The following PMFBP1 variants were observed in gnomAD, a reference collection of about 807,000 sequenced individuals.
PMFBP1 encodes polyamine-modulated factor 1-binding protein 1.
A neutral mutation model predicts 137.8 loss-of-function variants in PMFBP1; 131 were observed. The observed-to-expected ratio is 0.95, with a 90% CI of 0.82 to 1.10. The LOEUF (loss-of-function observed/expected upper bound fraction) is 1.10. Ranked by LOEUF, PMFBP1 falls within the 50% of genes least tolerant of loss-of-function variation. The probability of loss-of-function intolerance (pLI) is 0.00; values close to 1 mark genes in which losing one functional copy is unlikely to be tolerated. For missense variants in PMFBP1, 1,199 were observed against 1,175.4 expected (o/e 1.02, Z -0.29); for synonymous variants, 490 against 450.4 (o/e 1.09, Z -1.11).
chr16:72,203,448 C>T, the PMFBP1 span, among the ~76,000 whole-genome samples: 2 of 152,182 alleles, frequency 1.3e-5, no homozygotes, highest in African/African-American at 4.8e-5. Context: ...ACGTTCTTTT[C>T]TATTTTTCAG....
intron 5 of PMFBP1, among the ~76,000 whole-genome samples, chr16:72,142,553 G>A (rs1208201224): frequency 1.3e-5 from 2 of 152,136 alleles, no homozygotes; most frequent in East Asian, 3.8e-4. Context: ...AAGACTTAAG[G>A]GAAGATGCTT....
At chr16:72,156,322 A>G (rs2042979640) in intron 3 of PMFBP1, among the ~76,000 whole-genome samples, 1 of 149,734 alleles carries the variant, frequency 6.7e-6, no homozygotes, top group African/African-American at 2.4e-5. Context: ...GGTTGCGGCA[A>G]GAATCAGTAT....
rs752285170 is a variant in PMFBP1, at chr16:72,130,597, G to C, written c.1573C>G (p.Gln525Glu). The change falls in exon 11 of 21, where the codon CAG (glutamine) becomes GAG (glutamate). Residue 525 changes from glutamine to glutamate, a missense_variant. Coordinates refer to ENST00000237353, the MANE Select transcript of PMFBP1 (RefSeq NM_031293.3). Reference sequence around the variant, plus strand: ...TTCTGCAGCATCTGAAGTTCTCTCTGTAGTTCCTGGATGGTGTCTGCCTTC... The same window carrying C: ...TTCTGCAGCATCTGAAGTTCTCTCTCTAGTTCCTGGATGGTGTCTGCCTTC... ...KQKADTIQELQRELQMLQKES... is the reference protein window; with the variant it reads ...KQKADTIQELERELQMLQKES... 9 of 1,614,004 alleles carry C rather than the reference G, an allele frequency of 5.6e-6. No homozygotes were observed. The highest frequency in any genetic ancestry group is 7.6e-6 in the Non-Finnish European group (9 of 1,180,002).
chr16:72,186,865 C>T, the PMFBP1 span, among the ~76,000 whole-genome samples: 2 of 151,914 alleles, frequency 1.3e-5, no homozygotes, highest in Non-Finnish European at 2.9e-5. Context: ...GTAATCCCAG[C>T]ACTTTGGGAG....
the PMFBP1 span, among the ~76,000 whole-genome samples, chr16:72,205,452 C>A: frequency 6.6e-6 from 1 of 152,216 alleles, no homozygotes; most frequent in Non-Finnish European, 1.5e-5. Context: ...ACGTGTGTGT[C>A]CAATTGCAGC....
At chr16:72,131,950 A>T (rs2042555601) in intron 10 of PMFBP1, among the ~76,000 whole-genome samples, 1 of 152,120 alleles carries the variant, frequency 6.6e-6, no homozygotes, top group Non-Finnish European at 1.5e-5. Context: ...GGCTCAAGTG[A>T]TCCTCCCACC....
chr16:72,193,736 A>G, the PMFBP1 span, among the ~76,000 whole-genome samples: 3 of 151,592 alleles, frequency 2.0e-5, no homozygotes, highest in Non-Finnish European at 2.9e-5. Flanking sequence ...AAAAAAAAAA[A>G]AAAGAAATAC....
intron 3 of PMFBP1, 52 bp from the exon 4 acceptor site, chr16:72,154,511 G>T: frequency 6.4e-7 from 1 of 1,560,758 alleles, no homozygotes; most frequent in Non-Finnish European, 8.7e-7. Flanking sequence ...CACTAAGGAC[G>T]TATTCATTCC....
the PMFBP1 span, among the ~76,000 whole-genome samples, chr16:72,183,227 G>A: frequency 6.6e-6 from 1 of 152,190 alleles, no homozygotes; most frequent in Non-Finnish European, 1.5e-5. Context: ...TTCCTGGTGG[G>A]ATCTTAGTTT....
At chr16:72,222,448 C>T in the PMFBP1 span, among the ~76,000 whole-genome samples, 211 of 152,228 alleles carry the variant, frequency 1.4e-3, no homozygotes, top group Middle Eastern at 0.01. Flanking sequence ...TGCAATATGC[C>T]AAGCATGGTA....
intron 5 of PMFBP1, among the ~76,000 whole-genome samples, chr16:72,141,485 C>A (rs1454629186): frequency 6.6e-6 from 1 of 152,138 alleles, no homozygotes; most frequent in East Asian, 1.9e-4. Context: ...ACAGTCTGTG[C>A]ATATTCTAGA....
chr16:72,183,486 T>C, the PMFBP1 span, among the ~76,000 whole-genome samples: 20,203 of 152,188 alleles, frequency 0.13, 1,829 homozygotes, highest in South Asian at 0.19. Flanking sequence ...TGCCTTCATC[T>C]TTACATGGTG....
At position 72,120,051 on chromosome 16, in the gene PMFBP1, T is replaced by G; in HGVS notation, c.2807A>C (p.Asn936Thr). ...HSVMVHLQQENKKLKKEIEEK... is the reference protein window; with the variant it reads ...HSVMVHLQQETKKLKKEIEEK... ...TTCTATCTCCTTCTTCAGCTTCTTGTTTTCCTGCTGCAAGTGGACCATTAC... is the reference window on the plus strand; with the variant it reads ...TTCTATCTCCTTCTTCAGCTTCTTGGTTTCCTGCTGCAAGTGGACCATTAC... The change falls in exon 20 of 21, where the codon AAC becomes ACC. Residue 936 changes from asparagine (N) to threonine (T), a missense_variant. Physicochemically the swap from Asn to Thr is moderately conservative, Grantham distance 65. Coordinates refer to ENST00000237353, the MANE Select transcript of PMFBP1 (RefSeq NM_031293.3). The G allele has an allele frequency of 6.2e-7, 1 of 1,614,168 alleles. No individual in the cohort carries two copies. The highest frequency in any genetic ancestry group is 8.5e-7 in the Non-Finnish European group (1 of 1,180,030).
chr16:72,217,714 G>C, the PMFBP1 span, among the ~76,000 whole-genome samples: 5 of 152,222 alleles, frequency 3.3e-5, no homozygotes, highest in African/African-American at 1.2e-4. Flanking sequence ...TTAGCCGAGT[G>C]TGGTGGTGGG....
At chr16:72,182,111 A>C in the PMFBP1 span, among the ~76,000 whole-genome samples, 1 of 152,220 alleles carries the variant, frequency 6.6e-6, no homozygotes, top group African/African-American at 2.4e-5. Context: ...TCATGGAGTC[A>C]CTTTGCTTTG....
the PMFBP1 span, among the ~76,000 whole-genome samples, chr16:72,182,644 T>C: frequency 6.6e-6 from 1 of 152,114 alleles, no homozygotes; most frequent in African/African-American, 2.4e-5. Flanking sequence ...CCAGTATGCA[T>C]TGGGTGAAGC....
upstream of PMFBP1, among the ~76,000 whole-genome samples, chr16:72,179,945 C>T (rs1352065508): frequency 2.6e-5 from 4 of 152,194 alleles, no homozygotes. Flanking sequence ...CAAACCACAT[C>T]TCCTACTTGG....
chr16:72,142,545 G>A (rs2042739346), intron 5 of PMFBP1, among the ~76,000 whole-genome samples: 1 of 152,186 alleles, frequency 6.6e-6, no homozygotes, highest in African/African-American at 2.4e-5. Context: ...TATCTTTGAA[G>A]ACTTAAGGGA....
At chr16:72,160,450 G>A (rs2043045340) in intron 3 of PMFBP1, among the ~76,000 whole-genome samples, 1 of 152,048 alleles carries the variant, frequency 6.6e-6, no homozygotes, top group Non-Finnish European at 1.5e-5. Context: ...AGTACTCTTC[G>A]AAGTATGTCA....
Sources: allele counts gnomAD v4.1 joint callset (sites outside exome capture counted in the v4.1 genomes callset), GRCh38; gene constraint gnomAD v4.1.1; transcripts MANE v1.5; gene names NCBI Gene and HGNC (gene_info 2026-07-23, HGNC 2026-07-21).